The following MAN2B2 variants were observed in gnomAD, a reference collection of about 807,000 sequenced individuals.
MAN2B2 encodes mannosidase alpha class 2B member 2, also known as epididymis-specific alpha-mannosidase.
Under a neutral mutation model 117.1 loss-of-function variants are expected in MAN2B2, and 106 were observed. The observed-to-expected ratio is 0.90, with a 90% CI of 0.77 to 1.06. The LOEUF is 1.06. Ranked by LOEUF, MAN2B2 falls within the 50% of genes least tolerant of loss-of-function variation. The probability of loss-of-function intolerance (pLI) is 0.00; values close to 1 mark genes in which losing one functional copy is unlikely to be tolerated. For missense variants in MAN2B2, 1,326 were observed against 1,381.4 expected (o/e 0.96, Z 0.64); for synonymous variants, 544 against 595.1 (o/e 0.91, Z 1.25).
At chr4:6,587,309 C>CT in intron 4 of MAN2B2, 141 bp downstream of exon 4, 1 of 1,023,466 alleles carries the variant, frequency 9.8e-7, no homozygotes, top group South Asian at 1.7e-5. Flanking sequence ...GGGCTGTCCC[C>CT]TAACCTTTGC....
intron 3 of MAN2B2, among the ~76,000 whole-genome samples, chr4:6,579,216 C>CCACCACCACCACCATCACCATCACCAG (rs1726272333): frequency 1.4e-5 from 1 of 72,392 alleles, no homozygotes. Flanking sequence ...ACCATCACCA[C>CCACCACCACCACCATCACCATCACCAG]CACCACCACC....
intron 3 of MAN2B2, among the ~76,000 whole-genome samples, chr4:6,579,327 A>AT (rs1726308370): frequency 1.6e-5 from 2 of 126,102 alleles, no homozygotes; most frequent in Admixed American, 1.6e-4. Context: ...CATCACCACC[A>AT]CCACCACCAC....
intron 12 of MAN2B2, chr4:6,609,521 AC>A: frequency 1.6e-6 from 1 of 626,256 alleles, no homozygotes; most frequent in Non-Finnish European, 2.8e-6. Flanking sequence ...TGGGAGAGAG[AC>A]CCACAGACCC....
chr4:6,600,830 T>C (rs1232198667), intron 10 of MAN2B2, 74 bp downstream of exon 10: 1 of 1,560,664 alleles, frequency 6.4e-7, no homozygotes, highest in Non-Finnish European at 8.7e-7. Context: ...ACATTGTCTC[T>C]TCTGACCCTG....
chr4:6,617,616 C>T (rs1293444143), intron 17 of MAN2B2, 124 bp downstream of exon 17: 18 of 1,524,474 alleles, frequency 1.2e-5, no homozygotes, highest in Non-Finnish European at 1.4e-5. Context: ...TGGTATGGGC[C>T]CCACCCCGCC....
intron 15 of MAN2B2, 126 bp from the exon 16 acceptor site, chr4:6,614,092 G>T: frequency 8.3e-7 from 1 of 1,210,290 alleles, no homozygotes. Flanking sequence ...TGCGGGGTAG[G>T]CTACCCACAA....
intron 15 of MAN2B2, among the ~76,000 whole-genome samples, chr4:6,613,575 CAAGGAAGG>C (rs751318063): frequency 8.6e-6 from 1 of 116,448 alleles, no homozygotes; most frequent in Non-Finnish European, 1.6e-5. Flanking sequence ...TCCCTATCTA[CAAGGAAGG>C]AAGGAAGGAA....
At chr4:6,581,861 G>A (rs1424327111) in intron 3 of MAN2B2, among the ~76,000 whole-genome samples, 12 of 151,948 alleles carry the variant, frequency 7.9e-5, no homozygotes, top group African/African-American at 1.9e-4. Context: ...CGGCAGTCAC[G>A]CCAACACCAC....
chr4:6,584,037 A>G (rs1726542241), intron 3 of MAN2B2, among the ~76,000 whole-genome samples: 1 of 152,206 alleles, frequency 6.6e-6, no homozygotes, highest in South Asian at 2.1e-4. Flanking sequence ...CCTGCATTCA[A>G]TTAACATGTT....
At chr4:6,603,479 A>C (rs1272645943) in intron 10 of MAN2B2, among the ~76,000 whole-genome samples, 1 of 151,874 alleles carries the variant, frequency 6.6e-6, no homozygotes, top group Non-Finnish European at 1.5e-5. Context: ...ACCGAGGAGG[A>C]GTTTGTCCAG....
chr4:6,583,724 G>C (rs1726531426), intron 3 of MAN2B2, among the ~76,000 whole-genome samples: 3 of 152,214 alleles, frequency 2.0e-5, no homozygotes, highest in Admixed American at 6.5e-5. Flanking sequence ...AAATGAGAAA[G>C]AAAGGAAAAT....
chr4:6,579,193 C>T (rs202243182), intron 3 of MAN2B2, among the ~76,000 whole-genome samples: 1 of 58,192 alleles, frequency 1.7e-5, no homozygotes, highest in Non-Finnish European at 4.1e-5. Flanking sequence ...CCATCACCAG[C>T]ACCACCACCA....
chr4:6,616,094 A>G (rs1157108313), intron 16 of MAN2B2, among the ~76,000 whole-genome samples: 1 of 152,136 alleles, frequency 6.6e-6, no homozygotes, highest in Non-Finnish European at 1.5e-5. Context: ...GTGAGCCACC[A>G]CACCCTGCCA....
chr4:6,606,384 G>C (rs1727548158), intron 11 of MAN2B2, among the ~76,000 whole-genome samples: 2 of 152,250 alleles, frequency 1.3e-5, no homozygotes, highest in Non-Finnish European at 2.9e-5. Flanking sequence ...CTGGCAAGGG[G>C]GGAGTTGGGC....
chr4:6,610,197 C>A, intron 13 of MAN2B2, 147 bp downstream of exon 13: 1 of 1,219,242 alleles, frequency 8.2e-7, no homozygotes, highest in Non-Finnish European at 1.1e-6. Flanking sequence ...CACTCTGTCA[C>A]CCAGGCTGGG....
intron 10 of MAN2B2, among the ~76,000 whole-genome samples, chr4:6,603,500 G>A (rs1362013774): frequency 6.6e-6 from 1 of 152,182 alleles, no homozygotes; most frequent in African/African-American, 2.4e-5. Context: ...CACAGGGAGA[G>A]GCGAAGGGAG....
intron 9 of MAN2B2, among the ~76,000 whole-genome samples, chr4:6,599,713 G>A (rs893057839): frequency 6.7e-6 from 1 of 150,232 alleles, no homozygotes; most frequent in Non-Finnish European, 1.5e-5. Flanking sequence ...GAGCCACCAT[G>A]CCTGGCTGCC....
intron 7 of MAN2B2, among the ~76,000 whole-genome samples, chr4:6,595,297 T>C (rs1727036801): frequency 1.3e-5 from 2 of 152,202 alleles, no homozygotes; most frequent in Admixed American, 1.3e-4. Flanking sequence ...ACATTTGTGG[T>C]GCCTCGTGCA....
chr4:6,587,237 G>T, intron 4 of MAN2B2, 69 bp downstream of exon 4: 1 of 1,548,358 alleles, frequency 6.5e-7, no homozygotes, highest in South Asian at 1.2e-5. Flanking sequence ...ATCAGAGCAC[G>T]GTAGAAAGCT....
Sources: gnomAD v4.1 joint callset for allele counts (sites outside exome capture counted in the v4.1 genomes callset) on GRCh38, gnomAD v4.1.1 for gene constraint, MANE v1.5 for transcripts, NCBI Gene and HGNC (gene_info 2026-07-23, HGNC 2026-07-21) for gene names.